PTBP2: variants seen among roughly 807,000 people sequenced by gnomAD.
PTBP2 encodes the protein polypyrimidine tract binding protein 2.
Under a neutral mutation model 61.4 loss-of-function variants are expected in PTBP2, and 13 were observed. The observed-to-expected ratio is 0.21, with a 90% CI of 0.14 to 0.34. The LOEUF (loss-of-function observed/expected upper bound fraction) is 0.34, where lower values mean the gene tolerates loss of function less well. Ranked by LOEUF, PTBP2 falls within the 10% of genes least tolerant of loss-of-function variation. PTBP2 has a pLI of 1.00. For synonymous variants in PTBP2, 215 were observed against 218.5 expected (o/e 0.98, Z 0.14); for missense variants, 405 against 642.6 (o/e 0.63, Z 4.00).
At chr1:96,775,956 A>G (rs575989501) in intron 5 of PTBP2, among the ~76,000 whole-genome samples, 3 of 152,164 alleles carry the variant, frequency 2.0e-5, no homozygotes, top group African/African-American at 7.2e-5. Flanking sequence ...CAGACTAAGT[A>G]TAATATTTAT....
At chr1:96,796,945 G>T (rs72976457) in intron 8 of PTBP2, among the ~76,000 whole-genome samples, 2 of 152,138 alleles carry the variant, frequency 1.3e-5, no homozygotes, top group Non-Finnish European at 2.9e-5. Context: ...AAATGAAGAT[G>T]TATCAAAAGA....
chr1:96,763,320 A>G (rs954161903), intron 3 of PTBP2, among the ~76,000 whole-genome samples: 1 of 152,100 alleles, frequency 6.6e-6, no homozygotes, highest in Non-Finnish European at 1.5e-5. Context: ...CTCCGTCTGC[A>G]ATTCCGGCAC....
At chr1:96,751,606 C>A (rs1053835133) in intron 3 of PTBP2, 106 bp downstream of exon 3, 3 of 728,438 alleles carry the variant, frequency 4.1e-6, no homozygotes, top group Non-Finnish European at 6.7e-6. Flanking sequence ...TTTTTAAATG[C>A]GTGTTGAAAC....
At chr1:96,765,708 T>TTAGATAGATAGATAGATAGA (rs34315705) in intron 3 of PTBP2, among the ~76,000 whole-genome samples, 171 of 147,390 alleles carry the variant, frequency 1.2e-3, no homozygotes, top group East Asian at 1.8e-3. Context: ...AGACTCTGTC[T>TTAGATAGATAGATAGATAGA]TAGATAGATA....
intron 3 of PTBP2, among the ~76,000 whole-genome samples, chr1:96,758,053 C>T (rs1224787696): frequency 1.3e-5 from 2 of 151,832 alleles, no homozygotes; most frequent in Non-Finnish European, 2.9e-5. Flanking sequence ...TGGATATATG[C>T]AGAGTATAAT....
chr1:96,762,985 G>T (rs1208585836), intron 3 of PTBP2, among the ~76,000 whole-genome samples: 1 of 151,858 alleles, frequency 6.6e-6, no homozygotes, highest in Non-Finnish European at 1.5e-5. Context: ...ACGATGGGCG[G>T]CCGGGCAGAG....
intron 8 of PTBP2, among the ~76,000 whole-genome samples, chr1:96,788,302 A>G (rs1659425260): frequency 6.6e-6 from 1 of 152,186 alleles, no homozygotes; most frequent in South Asian, 2.1e-4. Flanking sequence ...CAGTTTTTGG[A>G]AAAGTATTTT....
chr1:96,815,532 G>A (rs573750141), downstream of PTBP2: 5 of 151,884 alleles, frequency 3.3e-5, no homozygotes, highest in South Asian at 2.1e-4. Context: ...AAAATATTTC[G>A]GTCAGTTTTT....
chr1:96,778,687 C>T (rs1251626760), intron 7 of PTBP2, among the ~76,000 whole-genome samples: 2 of 152,084 alleles, frequency 1.3e-5, no homozygotes, highest in Non-Finnish European at 1.5e-5. Flanking sequence ...ATTATGAAAC[C>T]ATTTAATAAG....
chr1:96,817,437 C>T (rs909684979), downstream of PTBP2: 7 of 152,030 alleles, frequency 4.6e-5, no homozygotes, highest in African/African-American at 1.4e-4. Context: ...TATAGTTATT[C>T]TTTGTTATTT....
chr1:96,799,594 T>C (rs1007809662), intron 8 of PTBP2, among the ~76,000 whole-genome samples: 1 of 152,166 alleles, frequency 6.6e-6, no homozygotes, highest in Non-Finnish European at 1.5e-5. Context: ...TCCTCACATA[T>C]CTGCTGCCTT....
At chr1:96,770,332 GTTCT>G (rs1267510969) in intron 4 of PTBP2, among the ~76,000 whole-genome samples, 2 of 151,888 alleles carry the variant, frequency 1.3e-5, no homozygotes, top group East Asian at 1.9e-4. Context: ...TTGTAATTTT[GTTCT>G]TTGTCTCTAT....
chr1:96,736,325 C>G (rs1652171266), intron 2 of PTBP2, among the ~76,000 whole-genome samples: 1 of 151,790 alleles, frequency 6.6e-6, no homozygotes, highest in Non-Finnish European at 1.5e-5. Flanking sequence ...TAATTACTGA[C>G]CATATAAGAA....
chr1:96,745,019 G>A (rs1653565870), intron 2 of PTBP2, among the ~76,000 whole-genome samples: 1 of 151,952 alleles, frequency 6.6e-6, no homozygotes, highest in Admixed American at 6.6e-5. Flanking sequence ...TATCCTTATA[G>A]TTTTCTCCCT....
intron 3 of PTBP2, among the ~76,000 whole-genome samples, chr1:96,767,213 A>C (rs1053454583): frequency 1.3e-5 from 2 of 152,140 alleles, no homozygotes; most frequent in African/African-American, 4.8e-5. Flanking sequence ...AATATCCACT[A>C]TCCAGAAAAC....
intron 1 of PTBP2, among the ~76,000 whole-genome samples, chr1:96,723,128 A>T (rs934360108): frequency 3.9e-5 from 6 of 152,168 alleles, no homozygotes; most frequent in African/African-American, 1.4e-4. Context: ...TATTTTCCAG[A>T]TGAAACAAAT....
chr1:96,777,499 G>A (rs1658170123), intron 5 of PTBP2, 86 bp from the exon 6 acceptor site: 1 of 1,227,368 alleles, frequency 8.1e-7, no homozygotes, highest in Admixed American at 2.7e-5. Flanking sequence ...TAAGTTCTAG[G>A]AACAAAGTGA....
intron 3 of PTBP2, among the ~76,000 whole-genome samples, chr1:96,762,905 C>T (rs539333626): frequency 2.5e-3 from 331 of 132,864 alleles, no homozygotes; most frequent in African/African-American, 3.4e-3. Context: ...CAGACGGGGT[C>T]GCGGCCGGGT....
intron 5 of PTBP2, among the ~76,000 whole-genome samples, chr1:96,775,568 G>A (rs994400024): frequency 3.3e-5 from 5 of 152,130 alleles, no homozygotes; most frequent in Non-Finnish European, 5.9e-5. Flanking sequence ...TAACTTGGAG[G>A]AAGCGTGAGT....
Sources: allele counts gnomAD v4.1 joint callset (sites outside exome capture counted in the v4.1 genomes callset), GRCh38; gene constraint gnomAD v4.1.1; transcripts MANE v1.5; gene names NCBI Gene and HGNC (gene_info 2026-07-23, HGNC 2026-07-21).